ZNF385D: variants seen among roughly 807,000 people sequenced by gnomAD.
ZNF385D encodes zinc finger protein 385D.
ZNF385D carries 15 observed loss-of-function variants against 35.8 expected under a neutral mutation model. The observed-to-expected ratio is 0.42, with a 90% CI of 0.28 to 0.64. The LOEUF is 0.64. Among genes scored for constraint, ZNF385D ranks in the 30% least tolerant of loss-of-function variants. The probability of loss-of-function intolerance (pLI) is 0.23; values close to 1 mark genes in which losing one functional copy is unlikely to be tolerated. For missense variants in ZNF385D, 474 were observed against 494.6 expected (o/e 0.96, Z 0.39); for synonymous variants, 212 against 186.8 (o/e 1.13, Z -1.10).
At chr3:22,304,797 T>C (rs1001462024) in intron 2 of ZNF385D, among the ~76,000 whole-genome samples, 1 of 152,188 alleles carries the variant, frequency 6.6e-6, no homozygotes, top group African/African-American at 2.4e-5. Context: ...TTTTTCATTT[T>C]GTAATTCTTT....
At chr3:22,092,890 T>C (rs1269659317) in intron 3 of ZNF385D, among the ~76,000 whole-genome samples, 1 of 152,312 alleles carries the variant, frequency 6.6e-6, no homozygotes, top group East Asian at 1.9e-4. Context: ...ATTTTTTAGT[T>C]CTCTATTATT....
chr3:21,861,991 C>T (rs1170318408), intron 3 of ZNF385D, among the ~76,000 whole-genome samples: 1 of 152,082 alleles, frequency 6.6e-6, no homozygotes, highest in Non-Finnish European at 1.5e-5. Flanking sequence ...CAAGTGAGCC[C>T]TAACACTAAC....
At chr3:22,161,216 A>C (rs1280936252) in intron 3 of ZNF385D, among the ~76,000 whole-genome samples, 1 of 152,104 alleles carries the variant, frequency 6.6e-6, no homozygotes, top group Non-Finnish European at 1.5e-5. Flanking sequence ...TATATATCAT[A>C]AAATGTAGTG....
At chr3:21,425,826 C>T (rs1001675083) in intron 5 of ZNF385D, among the ~76,000 whole-genome samples, 156 bp from the exon 6 acceptor site, 1 of 152,102 alleles carries the variant, frequency 6.6e-6, no homozygotes, top group Non-Finnish European at 1.5e-5. Flanking sequence ...GCAGTTTTTC[C>T]TGGCATTATG....
chr3:21,806,389 T>C (rs2125696654), intron 3 of ZNF385D, among the ~76,000 whole-genome samples: 1 of 152,138 alleles, frequency 6.6e-6, no homozygotes, highest in East Asian at 1.9e-4. Context: ...TTATTTTTAG[T>C]AGAGACGGGG....
intron 3 of ZNF385D, among the ~76,000 whole-genome samples, chr3:22,110,393 G>A (rs1702452348): frequency 6.6e-6 from 1 of 151,966 alleles, no homozygotes; most frequent in Admixed American, 6.6e-5. Context: ...CAACCCAAAT[G>A]TCCAACAATG....
intron 2 of ZNF385D, among the ~76,000 whole-genome samples, chr3:22,188,399 G>A (rs961215889): frequency 2.0e-5 from 3 of 152,016 alleles, no homozygotes; most frequent in Non-Finnish European, 2.9e-5. Context: ...ATTCTGCTGT[G>A]TGTTTTAGCA....
intron 4 of ZNF385D, among the ~76,000 whole-genome samples, chr3:21,481,387 G>C (rs998842444): frequency 2.6e-5 from 4 of 152,132 alleles, no homozygotes; most frequent in Non-Finnish European, 4.4e-5. Context: ...AGGGTCAACA[G>C]AGTAGACTGT....
At chr3:21,958,765 AGC>A (rs1702422610) in intron 3 of ZNF385D, 1 of 139,322 alleles carries the variant, frequency 7.2e-6, no homozygotes, top group Non-Finnish European at 1.6e-5. Context: ...GCTTGCGGAT[AGC>A]AATCAGAGAA....
intron 3 of ZNF385D, among the ~76,000 whole-genome samples, chr3:21,778,560 G>A (rs940903703): frequency 6.6e-5 from 10 of 151,744 alleles, no homozygotes; most frequent in Admixed American, 4.6e-4. Flanking sequence ...AGCATGGTTC[G>A]CGAAAAACAA....
chr3:22,092,832 G>T (rs918360492), intron 3 of ZNF385D, among the ~76,000 whole-genome samples: 3 of 152,020 alleles, frequency 2.0e-5, no homozygotes. Flanking sequence ...GAGAAAAAAA[G>T]AAAGTACTAA....
chr3:21,868,505 A>T (rs927603431), intron 3 of ZNF385D, among the ~76,000 whole-genome samples: 4 of 152,122 alleles, frequency 2.6e-5, no homozygotes, highest in Non-Finnish European at 5.9e-5. Flanking sequence ...CATCTTCTTC[A>T]CATGAATCAT....
intron 3 of ZNF385D, among the ~76,000 whole-genome samples, chr3:21,988,995 C>A (rs1382008812): frequency 6.6e-6 from 1 of 152,152 alleles, no homozygotes; most frequent in Non-Finnish European, 1.5e-5. Flanking sequence ...TGAGGCAATG[C>A]CTCGCCCTGC....
chr3:22,212,061 A>G (rs1168565072), intron 2 of ZNF385D, among the ~76,000 whole-genome samples: 2 of 152,022 alleles, frequency 1.3e-5, no homozygotes, highest in African/African-American at 4.8e-5. Context: ...GGGAAAGTGT[A>G]GTACTTTTGC....
intron 3 of ZNF385D, among the ~76,000 whole-genome samples, chr3:21,534,082 G>A (rs985526242): frequency 2.0e-5 from 3 of 151,798 alleles, no homozygotes; most frequent in African/African-American, 4.8e-5. Flanking sequence ...AGCTTATATG[G>A]CAGTATAATC....
intron 2 of ZNF385D, among the ~76,000 whole-genome samples, chr3:22,325,011 A>G (rs1694611345): frequency 6.6e-6 from 1 of 152,202 alleles, no homozygotes; most frequent in African/African-American, 2.4e-5. Flanking sequence ...AAGTTATAAT[A>G]ACAGTACGTA....
At chr3:21,901,977 GTC>G (rs1442531594) in intron 3 of ZNF385D, among the ~76,000 whole-genome samples, 2 of 152,114 alleles carry the variant, frequency 1.3e-5, no homozygotes, top group African/African-American at 4.8e-5. Context: ...GATGGTCACA[GTC>G]TCTCTGTCCA....
intron 2 of ZNF385D, among the ~76,000 whole-genome samples, chr3:22,262,964 A>G (rs1700712386): frequency 6.6e-6 from 1 of 151,782 alleles, no homozygotes; most frequent in Non-Finnish European, 1.5e-5. Context: ...CTGATATCCA[A>G]CGTCCAGTCT....
At chr3:21,819,864 T>C (rs1353587692) in intron 3 of ZNF385D, among the ~76,000 whole-genome samples, 1 of 148,232 alleles carries the variant, frequency 6.7e-6, no homozygotes, top group Non-Finnish European at 1.5e-5. Context: ...AATATACACA[T>C]ATATACACAC....
Sources: allele counts gnomAD v4.1 joint callset (sites outside exome capture counted in the v4.1 genomes callset), GRCh38; gene constraint gnomAD v4.1.1; transcripts MANE v1.5; gene names NCBI Gene and HGNC (gene_info 2026-07-23, HGNC 2026-07-21).